Variants in COL5A1 observed in about 807,000 individuals in gnomAD.
The protein encoded by COL5A1 is collagen type V alpha 1 chain.
In COL5A1, 16 loss-of-function variants were observed where a neutral mutation model predicts 263.7. The observed-to-expected ratio is 0.06, with a 90% confidence interval of 0.04 to 0.09. COL5A1 has a LOEUF of 0.09. COL5A1 is among the 10% of genes least tolerant of loss of function. COL5A1 has a pLI of 1.00. For synonymous variants in COL5A1, 1,012 were observed against 1,004.5 expected (o/e 1.01, Z -0.14); for missense variants, 2,036 against 2,540.5 (o/e 0.80, Z 4.27).
intron 39 of COL5A1, among the ~76,000 whole-genome samples, chr9:134,803,560 G>A (rs764021261): frequency 4.1e-4 from 63 of 152,154 alleles, no homozygotes; most frequent in Non-Finnish European, 6.8e-4. Context: ...GCTTGAACCC[G>A]GGAGGCGGAG....
Position 134,802,950 on chromosome 9 carries a change from C to A in COL5A1, c.3069C>A (p.Pro1023=), listed in dbSNP as rs139070070. The A allele has an allele frequency of 3.7e-6, 6 of 1,610,986 alleles. No individual in the cohort carries two copies. Among genetic ancestry groups the A allele is most frequent in the South Asian group, 2.2e-5 (2 of 90,396 alleles). Residue 1023 remains proline (P), a synonymous_variant, in exon 39 of 66, where the codon CCC becomes CCA. Transcript: ENST00000371817. ...GCCACCCTGGGCCCCCTGGACCCCC[C>A]GGTGAACAGGGGCTTCCGGGCCTTG... ...ERGHPGPPGP[P]GEQGLPGLAG... is the part of the protein sequence containing the mutation.
chr9:134,795,471 C>T (rs1244514645), intron 34 of COL5A1, among the ~76,000 whole-genome samples, 156 bp downstream of exon 34: 1 of 151,778 alleles, frequency 6.6e-6, no homozygotes, highest in Non-Finnish European at 1.5e-5. Context: ...TTGTCCCCTC[C>T]AGCAGCCTCT....
chr9:134,843,376 C>T lies in COL5A1; in HGVS notation c.*1073C>T, dbSNP rs897201058. On this transcript the variant is annotated 3_prime_UTR_variant, in exon 66 of 66. Transcript: ENST00000371817. ...TTTTTTACACTTCTCTCTTGTGGCT[C>T]TCTTGTGGTGCTATCTATCTGTTTT... 2 of 98,798 alleles carry T rather than the reference C, an allele frequency of 2.0e-5. No individual in the cohort carries two copies. 6.1% of individuals were successfully genotyped at this position (98,798 alleles called of 1,614,324 possible).
intron 1 of COL5A1, among the ~76,000 whole-genome samples, chr9:134,687,021 C>A (rs1833101632): frequency 6.6e-6 from 1 of 152,210 alleles, no homozygotes; most frequent in South Asian, 2.1e-4. Context: ...CCCCACTCCA[C>A]TATCCCATTT....
intron 64 of COL5A1, chr9:134,830,409 T>C: frequency 1.7e-6 from 1 of 593,218 alleles, no homozygotes; most frequent in Non-Finnish European, 3.0e-6. Flanking sequence ...CGTTTCTGTG[T>C]AGGGCGCGCA....
chr9:134,768,641 A>G (rs146398092), intron 25 of COL5A1, among the ~76,000 whole-genome samples, 178 bp downstream of exon 25: 1 of 152,172 alleles, frequency 6.6e-6, no homozygotes, highest in Admixed American at 6.5e-5. Flanking sequence ...GGTTCTGGAC[A>G]CCCTTAACAT....
At position 134,763,734 on chromosome 9, in the gene COL5A1, G is replaced by A. The variant is rs61737719; in HGVS notation, c.2031G>A (p.Glu677=). ...GEVGPRGLPG[E]PGPRGLLGPK... ...TTGGGCCCAGGGGGCTGCCTGGGGA[G>A]CCCGTAAGTCTGTGAGCTGAGTGGG... is the stretch of plus-strand genomic sequence containing the variant. The change falls in exon 20 of 66, where the codon GAG becomes GAA. Residue 677 remains glutamate, a synonymous_variant. Coordinates refer to ENST00000371817, the MANE Select transcript of COL5A1 (RefSeq NM_000093.5). 1,097 of 1,613,668 alleles carry A rather than the reference G, an allele frequency of 6.8e-4. 1 individual carries two copies. The highest frequency in any genetic ancestry group is 3.1e-3 in the East Asian group (137 of 44,850).
At position 134,841,587 on chromosome 9, in the gene COL5A1, C is replaced by G. The variant is rs900183367; in HGVS notation, c.5371-570C>G. ...CCAGATGGTGTGGAAGGTCCCCACC[C>G]CTTCCCATACTTGTGGAGGTGAAGA... On this transcript the variant is annotated intron_variant, in intron 65 of 65. Transcript: ENST00000371817. This position sits in a 1 kb window ranked among gnomAD's most constrained non-coding sequence, Gnocchi z 4.8. Among the ~76,000 whole-genome samples the G allele has an allele frequency of 2.0e-5, 3 of 152,188 alleles. No individual in the cohort carries two copies. The highest frequency in any genetic ancestry group is 7.2e-5 in the African/African-American group (3 of 41,452).
chr9:134,694,479 C>T (rs555521566), intron 2 of COL5A1, among the ~76,000 whole-genome samples: 24 of 152,346 alleles, frequency 1.6e-4, no homozygotes, highest in Non-Finnish European at 3.4e-4. Context: ...TTCCCTAGGC[C>T]ACCCTCCTCA....
Position 134,835,089 on chromosome 9 carries a change from G to C in COL5A1, c.5255G>C (p.Trp1752Ser), listed in dbSNP as rs747231282. 4 of 1,613,524 alleles carry C rather than the reference G, an allele frequency of 2.5e-6. No individual in the cohort carries two copies. The highest frequency in any genetic ancestry group is 3.3e-5 in the Admixed American group (2 of 60,002). Residue 1752 changes from tryptophan to serine, a missense_variant, in exon 65 of 66, where the codon TGG (tryptophan) becomes TCG (serine). This residue lies in a region of COL5A1 where 358 missense variants were observed against 384.6 expected (regional missense o/e 0.93). Coordinates refer to ENST00000371817, the MANE Select transcript of COL5A1 (RefSeq NM_000093.5). ...TACCACTGCTACCAGTCAGTGGCCT[G>C]GCAGGACGCAGCCACGGGCAGCTAC... Reference protein sequence around the residue: ...VTYHCYQSVAWQDAATGSYDK... With the variant: ...VTYHCYQSVASQDAATGSYDK...
intron 1 of COL5A1, among the ~76,000 whole-genome samples, chr9:134,654,659 T>TG (rs1831869390): frequency 1.9e-5 from 1 of 51,336 alleles, no homozygotes; most frequent in African/African-American, 8.2e-5. Context: ...GTAGGGCTGG[T>TG]GTGTGTAGGG....
chr9:134,794,991 TCA>T lies in COL5A1; in HGVS notation c.2701-88_2701-87del. ...AGGTTCCTCCTATCCTGCTCTGAATTCACAGTCTCTCAATAACCCGGGAGACA... is the reference window on the plus strand; with the variant it reads ...AGGTTCCTCCTATCCTGCTCTGAATTCAGTCTCTCAATAACCCGGGAGACA... On this transcript the variant is annotated intron_variant, in intron 32 of 65. Coordinates refer to ENST00000371817, the MANE Select transcript of COL5A1 (RefSeq NM_000093.5). The surrounding 1 kb of genome is among the most constrained non-coding windows in gnomAD (Gnocchi z 4.3). The T allele has an allele frequency of 7.0e-7, 1 of 1,425,520 alleles. No individual in the cohort carries two copies. Among genetic ancestry groups the T allele is most frequent in the Non-Finnish European group, 9.9e-7 (1 of 1,012,444 alleles). 88.3% of individuals were successfully genotyped at this position (1,425,520 alleles called of 1,614,324 possible).
rs141889284 is a variant in COL5A1 at position 134,808,878 on chromosome 9, G to A, written c.3367-305G>A. The stretch of plus-strand genomic sequence containing the variant: ...CACATACAGGCTCAAGAATTTGGCC[G>A]GCTGGATTTGGATCCTGTCTCTACT... On this transcript the variant is annotated intron_variant, in intron 42 of 65. Coordinates refer to ENST00000371817, the MANE Select transcript of COL5A1 (RefSeq NM_000093.5). 6.0e-4 allele frequency: 275 copies of A among 458,908 alleles called. 2 individuals carry two copies. The East Asian group carries it at 9.4e-3, about 16-fold the overall frequency. 28.4% of individuals were successfully genotyped at this position (458,908 alleles called of 1,614,324 possible).
chr9:134,788,465 T>C (rs1482367375), intron 31 of COL5A1, among the ~76,000 whole-genome samples: 1 of 144,814 alleles, frequency 6.9e-6, no homozygotes, highest in Admixed American at 7.1e-5. Context: ...GATGTATACA[T>C]AGGTAGGCCA....
intron 14 of COL5A1, 97 bp from the exon 15 acceptor site, chr9:134,753,753 G>A: frequency 1.4e-6 from 1 of 716,738 alleles, no homozygotes; most frequent in Non-Finnish European, 2.5e-6. Flanking sequence ...CCGAAGCCCT[G>A]TCCCCTCCCC....
At chr9:134,653,825 T>C (rs1465345858) in intron 1 of COL5A1, among the ~76,000 whole-genome samples, 1 of 150,254 alleles carries the variant, frequency 6.7e-6, no homozygotes, top group Non-Finnish European at 1.5e-5. Flanking sequence ...GCTGGGGGTG[T>C]GCAGGGCCGG....
intron 1 of COL5A1, among the ~76,000 whole-genome samples, chr9:134,643,843 G>A (rs1005362993): frequency 3.9e-5 from 6 of 152,158 alleles, no homozygotes; most frequent in South Asian, 2.1e-4. Context: ...CAGGGGAATC[G>A]TCACCCTAGA....
At position 134,811,476 on chromosome 9, in the gene COL5A1, G is replaced by A. The variant is rs758628746; in HGVS notation, c.3583-16G>A. The A allele has an allele frequency of 6.2e-7, 1 of 1,613,722 alleles. No individual in the cohort carries two copies. The highest frequency in any genetic ancestry group is 2.2e-5 in the East Asian group (1 of 44,846). The stretch of plus-strand genomic sequence containing the variant: ...ATTGCCAGCATCCTCACCCATGGCC[G>A]GTTATTTCCCTGCAGGGAGCTGACG... On this transcript the variant is annotated splice_polypyrimidine_tract_variant and intron_variant, in intron 45 of 65. Transcript: ENST00000371817.
chr9:134,812,852 CTGTG>C lies in COL5A1; in HGVS notation c.3852+144_3852+147del. The C allele has an allele frequency of 9.8e-6, 7 of 716,660 alleles. No individual in the cohort carries two copies. In the South Asian group the frequency reaches 1.1e-4, roughly 11 times the overall value. The allele number at this position is 716,660 out of a possible 1,614,324, so 44.4% of individuals were successfully genotyped here. ...GGTGCATACACGTGTGTGTACCTCT[CTGTG>C]TGTACACAGAGATGAGAAGTACTCA... On this transcript the variant is annotated intron_variant, in intron 48 of 65. Coordinates refer to ENST00000371817, the MANE Select transcript of COL5A1 (RefSeq NM_000093.5).
Sources: allele counts gnomAD v4.1 joint callset (sites outside exome capture counted in the v4.1 genomes callset), GRCh38; gene constraint gnomAD v4.1.1; regional missense constraint gnomAD v4.1.1; non-coding constraint Gnocchi (gnomAD v3.1); transcripts MANE v1.5; gene names NCBI Gene and HGNC (gene_info 2026-07-23, HGNC 2026-07-21).